The following OTUD7A variants were observed in gnomAD, a reference collection of about 807,000 sequenced individuals.
OTUD7A encodes OTU domain-containing protein 7A.
In OTUD7A, 12 loss-of-function variants were observed where a neutral mutation model predicts 65.7. That is an observed-to-expected ratio of 0.18 (90% CI 0.12 to 0.30). OTUD7A has a LOEUF of 0.30. Among genes scored for constraint, OTUD7A ranks in the 10% least tolerant of loss-of-function variants. The probability of loss-of-function intolerance (pLI) is 1.00; values close to 1 mark genes in which losing one functional copy is unlikely to be tolerated. For synonymous variants in OTUD7A, 641 were observed against 586.3 expected, an observed-to-expected ratio of 1.09 and a Z score of -1.35; for missense variants, 1,148 against 1,304.8, an observed-to-expected ratio of 0.88 and a Z score of 1.85.
At position 31,715,685 on chromosome 15, in the gene OTUD7A, G is replaced by C. The variant is rs1290557666; in HGVS notation, c.-99-58608C>G. 1.2e-4 allele frequency among the ~76,000 whole-genome samples: 13 copies of C among 112,880 alleles called. 1 individual carries two copies. The South Asian group carries it at 3.1e-3, about 27-fold the overall frequency. 74.1% of individuals were successfully genotyped at this position (112,880 alleles called of 152,430 possible). ...TGTCTTTTCTACCCTTGGGACCTTA[G>C]TACACAGTTCAGGGGATGCTGCAGC... On this transcript the variant is annotated intron_variant, in intron 1 of 12. Transcript: ENST00000307050.
chr15:31,547,301 TACA>T (rs1291019017), intron 5 of OTUD7A, among the ~76,000 whole-genome samples: 6 of 152,236 alleles, frequency 3.9e-5, no homozygotes, highest in Non-Finnish European at 7.3e-5. Context: ...TAAACAAGGC[TACA>T]ACATAAAACT....
intron 1 of OTUD7A, among the ~76,000 whole-genome samples, chr15:31,838,853 G>C (rs1419580908): frequency 6.6e-6 from 1 of 152,148 alleles, no homozygotes; most frequent in Non-Finnish European, 1.5e-5. Flanking sequence ...ACTCCTAACT[G>C]ATCTTGAACC....
chr15:31,726,462 GAAGA>G (rs1355340827), intron 1 of OTUD7A, among the ~76,000 whole-genome samples: 1 of 151,862 alleles, frequency 6.6e-6, no homozygotes, highest in Admixed American at 6.6e-5. Flanking sequence ...GTGTAGCTAA[GAAGA>G]AAGGAAGGAA....
At chr15:31,755,810 C>T (rs190127476) in intron 1 of OTUD7A, among the ~76,000 whole-genome samples, 24 of 152,270 alleles carry the variant, frequency 1.6e-4, no homozygotes, top group Admixed American at 6.5e-4. Context: ...AATCTACCTT[C>T]GAGCTTTGGC....
chr15:31,484,820 T>C lies in OTUD7A; in HGVS notation c.1372-96A>G. On this transcript the variant is annotated intron_variant, in intron 12 of 12. Transcript: ENST00000307050. This position sits in a 1 kb window ranked among gnomAD's most constrained non-coding sequence, Gnocchi z 4.5. Reference sequence around the variant, plus strand: ...CACCTTGCCCCTGTGTTGCCGAGGCTAGGGCCCTGGACCTTCACTGTCCCA... The same window carrying C: ...CACCTTGCCCCTGTGTTGCCGAGGCCAGGGCCCTGGACCTTCACTGTCCCA... 1 of 1,495,056 alleles carries C rather than the reference T, an allele frequency of 6.7e-7. No individual in the cohort carries two copies. The highest frequency in any genetic ancestry group is 8.9e-7 in the Non-Finnish European group (1 of 1,125,230). 92.6% of individuals were successfully genotyped at this position (1,495,056 alleles called of 1,614,324 possible). A position where few individuals can be genotyped will look rare whatever the true frequency, so the allele number is the denominator to read the frequency against.
intron 1 of OTUD7A, among the ~76,000 whole-genome samples, chr15:31,860,690 T>TAC: frequency 7.7e-6 from 1 of 129,776 alleles, no homozygotes; most frequent in African/African-American, 2.8e-5. Flanking sequence ...TATATATATA[T>TAC]ATATATATAT....
In OTUD7A at chr15:31,484,556, T is replaced by C; in HGVS notation, c.1540A>G (p.Lys514Glu). The C allele has an allele frequency of 6.2e-7, 1 of 1,611,690 alleles. No individual in the cohort carries two copies. The highest frequency in any genetic ancestry group is 8.5e-7 in the Non-Finnish European group (1 of 1,179,916). Reference protein sequence around the residue: ...EKEKQRKEKDKTRADSVANKL... With the variant: ...EKEKQRKEKDETRADSVANKL... ...TTGGCCACGGAGTCGGCGCGCGTCT[T>C]GTCCTTCTCCTTGCGCTGCTTCTCC... The change falls in exon 13 of 13, where the codon AAG becomes GAG. Residue 514 changes from lysine to glutamate, a missense_variant. Physicochemically the swap from Lys to Glu is moderately conservative, Grantham distance 56. Coordinates refer to ENST00000307050, the MANE Select transcript of OTUD7A (RefSeq NM_001382637.1). The surrounding 1 kb of genome is among the most constrained non-coding windows in gnomAD (Gnocchi z 4.5).
Position 31,608,044 on chromosome 15 carries a change from C to T in OTUD7A, c.152-37847G>A, listed in dbSNP as rs200858028. On this transcript the variant is annotated intron_variant, in intron 3 of 12. Coordinates refer to ENST00000307050, the MANE Select transcript of OTUD7A (RefSeq NM_001382637.1). Reference sequence around the variant, plus strand: ...CAGGCGGATCATGAGGTCAGGAGATCGAGACCATCCTGGCCAACATGGTGA... The same window carrying T: ...CAGGCGGATCATGAGGTCAGGAGATTGAGACCATCCTGGCCAACATGGTGA... 2.0e-3 allele frequency among the ~76,000 whole-genome samples: 308 copies of T among 152,120 alleles called. 1 individual carries two copies. The highest frequency in any genetic ancestry group is 7.1e-3 in the African/African-American group (294 of 41,466).
intron 1 of OTUD7A, among the ~76,000 whole-genome samples, chr15:31,697,820 G>T (rs4041930): frequency 0.91 from 126,838 of 139,450 alleles, 57,843 homozygotes; most frequent in East Asian, 0.99. Context: ...AAGCCAATGC[G>T]CTGTGTTAGC....
chr15:31,766,828 T>A, intron 1 of OTUD7A: 8 of 1,612,622 alleles, frequency 5.0e-6, no homozygotes, highest in Non-Finnish European at 6.8e-6. Flanking sequence ...CAGTTTATTA[T>A]TTTGTCCTTC....
intron 3 of OTUD7A, among the ~76,000 whole-genome samples, chr15:31,573,213 T>C (rs188090239): frequency 3.8e-4 from 58 of 152,340 alleles, no homozygotes; most frequent in African/African-American, 1.3e-3. Flanking sequence ...ATCTACAAGA[T>C]ACTGAAGGAA....
intron 1 of OTUD7A, among the ~76,000 whole-genome samples, chr15:31,860,665 AGATGTATGTG>A (rs1897703096): frequency 1.1e-5 from 1 of 92,404 alleles, no homozygotes; most frequent in Non-Finnish European, 2.2e-5. Context: ...GTGTATATAT[AGATGTATGTG>A]TGTATATATA....
rs35618927 is a variant in OTUD7A, at chr15:31,518,475, TAA to T, written c.893+7872_893+7873del. On this transcript the variant is annotated intron_variant, in intron 8 of 12. Coordinates refer to ENST00000307050, the MANE Select transcript of OTUD7A (RefSeq NM_001382637.1). ...GTGACAGAGCGAGACTCCATCTGAT[TAA>T]AAAAAAAAAGTAAGTGCACATCTGT... is the stretch of plus-strand genomic sequence containing the variant. Among the ~76,000 whole-genome samples, 50 of 146,670 alleles carry T rather than the reference TAA, an allele frequency of 3.4e-4. 1 individual carries two copies. The highest frequency in any genetic ancestry group is 3.0e-5 in the Non-Finnish European group (2 of 66,368).
At chr15:31,598,460 C>T (rs1382535481) in intron 3 of OTUD7A, among the ~76,000 whole-genome samples, 1 of 152,184 alleles carries the variant, frequency 6.6e-6, no homozygotes, top group East Asian at 1.9e-4. Flanking sequence ...AGGAACTATG[C>T]ACACTCCGGC....
At chr15:31,639,789 T>A (rs192461866) in intron 3 of OTUD7A, among the ~76,000 whole-genome samples, 14 of 152,352 alleles carry the variant, frequency 9.2e-5, no homozygotes, top group Admixed American at 9.1e-4. Flanking sequence ...TCTTTTCACC[T>A]GCTTATTTGC....
intron 10 of OTUD7A, among the ~76,000 whole-genome samples, chr15:31,490,746 C>T (rs2041308033): frequency 6.6e-6 from 1 of 152,176 alleles, no homozygotes; most frequent in Non-Finnish European, 1.5e-5. Flanking sequence ...CTCCACAGGA[C>T]CTACCTGGTT....
chr15:31,772,525 T>A (rs938353260), intron 1 of OTUD7A, among the ~76,000 whole-genome samples: 24 of 152,212 alleles, frequency 1.6e-4, no homozygotes, highest in African/African-American at 5.8e-4. Context: ...TCCCAAAGTT[T>A]GCTGCACATT....
chr15:31,637,260 G>C (rs1470932305), intron 3 of OTUD7A, among the ~76,000 whole-genome samples: 4 of 152,188 alleles, frequency 2.6e-5, no homozygotes, highest in Non-Finnish European at 5.9e-5. Context: ...GAAAGTTCTA[G>C]TGCCCTTAAG....
At chr15:31,836,012 G>T (rs968644063) in intron 1 of OTUD7A, among the ~76,000 whole-genome samples, 2 of 151,736 alleles carry the variant, frequency 1.3e-5, no homozygotes, top group African/African-American at 4.8e-5. Flanking sequence ...AAAAAGTTTT[G>T]GATTTTGGAA....
Sources: allele counts gnomAD v4.1 joint callset (sites outside exome capture counted in the v4.1 genomes callset), GRCh38; gene constraint gnomAD v4.1.1; non-coding constraint Gnocchi (gnomAD v3.1); transcripts MANE v1.5; gene names NCBI Gene and HGNC (gene_info 2026-07-23, HGNC 2026-07-21).